Variants in EDIL3 observed in about 807,000 individuals in gnomAD.
The protein encoded by EDIL3 is EGF like and discoidin domains 3.
A neutral mutation model predicts 67.4 loss-of-function variants in EDIL3; 37 were observed. The ratio of observed to expected loss-of-function variants is 0.55; its 90% CI spans 0.42 to 0.72. EDIL3 has a LOEUF of 0.72. EDIL3 is among the 30% of genes least tolerant of loss of function. The pLI, the probability that EDIL3 is intolerant of heterozygous loss-of-function variation, is 0.00. For synonymous variants in EDIL3, 195 were observed against 196.3 expected (o/e 0.99, Z 0.05); for missense variants, 527 against 586.3 (o/e 0.90, Z 1.04).
At chr5:84,266,969 C>A (rs1215749442) in intron 1 of EDIL3, among the ~76,000 whole-genome samples, 2 of 151,870 alleles carry the variant, frequency 1.3e-5, no homozygotes, top group African/African-American at 2.4e-5. Flanking sequence ...TCATAATATC[C>A]CTGTGGGAAA....
At chr5:84,378,246 A>G (rs1748007813) in intron 1 of EDIL3, among the ~76,000 whole-genome samples, 1 of 152,164 alleles carries the variant, frequency 6.6e-6, no homozygotes, top group African/African-American at 2.4e-5. Context: ...TTTTTAAATA[A>G]TGTATACATT....
chr5:84,298,888 G>A (rs1396422955), intron 1 of EDIL3, among the ~76,000 whole-genome samples: 6 of 152,052 alleles, frequency 3.9e-5, no homozygotes, highest in Non-Finnish European at 7.4e-5. Flanking sequence ...TTGTGGTTGG[G>A]GCGCATCAAG....
chr5:84,272,112 G>T (rs1018111597), intron 1 of EDIL3, among the ~76,000 whole-genome samples: 9 of 152,014 alleles, frequency 5.9e-5, no homozygotes, highest in Non-Finnish European at 1.3e-4. Flanking sequence ...GCCTTCATCG[G>T]CTTTCTTGTA....
chr5:84,032,930 G>A (rs1036197056), intron 9 of EDIL3, among the ~76,000 whole-genome samples: 21 of 152,188 alleles, frequency 1.4e-4, no homozygotes, highest in African/African-American at 4.3e-4. Flanking sequence ...ACAGTGCTCA[G>A]GGACTTCCAA....
intron 4 of EDIL3, among the ~76,000 whole-genome samples, chr5:84,160,804 CCTTT>C (rs1211254939): frequency 8.1e-5 from 8 of 98,962 alleles, no homozygotes; most frequent in Admixed American, 6.2e-4. Context: ...CCTTTCCTTT[CCTTT>C]CCTTTCCTTT....
chr5:84,292,059 CTTAAAG>C (rs1338525348), intron 1 of EDIL3, among the ~76,000 whole-genome samples: 1 of 151,720 alleles, frequency 6.6e-6, no homozygotes, highest in Non-Finnish European at 1.5e-5. Flanking sequence ...GCTATATAAA[CTTAAAG>C]TTAAATTTTA....
intron 1 of EDIL3, among the ~76,000 whole-genome samples, chr5:84,322,737 G>T (rs2112157240): frequency 6.6e-6 from 1 of 152,052 alleles, no homozygotes; most frequent in East Asian, 1.9e-4. Context: ...CAATTACAAT[G>T]AATTCAAAGA....
chr5:84,203,507 A>G (rs1743890102), intron 3 of EDIL3, among the ~76,000 whole-genome samples: 1 of 152,154 alleles, frequency 6.6e-6, no homozygotes, highest in Non-Finnish European at 1.5e-5. Flanking sequence ...GTGTGCCAGC[A>G]ACACACGTTC....
At chr5:84,210,980 T>G (rs1351245718) in intron 3 of EDIL3, among the ~76,000 whole-genome samples, 1 of 152,206 alleles carries the variant, frequency 6.6e-6, no homozygotes, top group African/African-American at 2.4e-5. Flanking sequence ...TGTAGTAGGT[T>G]GAATGGTGCT....
At chr5:83,967,747 G>C (rs1237618972) in intron 9 of EDIL3, among the ~76,000 whole-genome samples, 1 of 152,112 alleles carries the variant, frequency 6.6e-6, no homozygotes, top group African/African-American at 2.4e-5. Context: ...AGATGGGGCA[G>C]ACTGGAAAAT....
intron 6 of EDIL3, among the ~76,000 whole-genome samples, chr5:84,074,987 G>C (rs1375765955): frequency 1.3e-5 from 2 of 152,138 alleles, no homozygotes; most frequent in African/African-American, 4.8e-5. Flanking sequence ...AAGAAAATGT[G>C]GCACATATAT....
chr5:84,264,027 G>A (rs1486058802), intron 1 of EDIL3, among the ~76,000 whole-genome samples: 1 of 152,082 alleles, frequency 6.6e-6, no homozygotes, highest in Non-Finnish European at 1.5e-5. Flanking sequence ...ATTGAGACCA[G>A]GGGTTTGAGA....
intron 1 of EDIL3, among the ~76,000 whole-genome samples, chr5:84,310,585 G>C (rs1487374260): frequency 6.6e-6 from 1 of 152,054 alleles, no homozygotes; most frequent in East Asian, 1.9e-4. Context: ...TGACCATCTG[G>C]AGCGCTAATT....
chr5:84,257,842 A>G (rs1226365025), intron 1 of EDIL3, among the ~76,000 whole-genome samples: 1 of 152,156 alleles, frequency 6.6e-6, no homozygotes, highest in African/African-American at 2.4e-5. Flanking sequence ...GGATGAGAGC[A>G]AAGAGAAACG....
At position 84,357,513 on chromosome 5, in the gene EDIL3, T is replaced by A. The variant is rs148284730; in HGVS notation, c.67+26795A>T. 2.3e-3 allele frequency among the ~76,000 whole-genome samples: 349 copies of A among 152,060 alleles called. 2 individuals carry two copies. Among genetic ancestry groups the A allele is most frequent in the Admixed American group, 7.4e-3 (113 of 15,278 alleles). On this transcript the variant is annotated intron_variant, in intron 1 of 10. Transcript: ENST00000296591. The stretch of plus-strand genomic sequence containing the variant: ...GAAATTATACAGACACCCTTTAAGG[T>A]TCTATATACTTTTAACCCTGCACCC...
At chr5:84,299,455 T>C (rs1040393542) in intron 1 of EDIL3, among the ~76,000 whole-genome samples, 1 of 152,156 alleles carries the variant, frequency 6.6e-6, no homozygotes, top group Non-Finnish European at 1.5e-5. Context: ...TCCTCATAGA[T>C]CCCTACAAAC....
chr5:84,310,877 C>A (rs73144519), intron 1 of EDIL3, among the ~76,000 whole-genome samples: 2 of 152,036 alleles, frequency 1.3e-5, no homozygotes, highest in Non-Finnish European at 2.9e-5. Flanking sequence ...GTGCGCTTAC[C>A]CAGTCAAAAA....
At chr5:84,306,334 TTTTAGAAAAAGGAACA>T in intron 1 of EDIL3, among the ~76,000 whole-genome samples, 1 of 152,350 alleles carries the variant, frequency 6.6e-6, no homozygotes, top group Non-Finnish European at 1.5e-5. Flanking sequence ...ATTTGGTTAA[TTTTAGAAAAAGGAACA>T]AATTGAGGTT....
chr5:84,109,269 A>T (rs960836228), intron 5 of EDIL3, among the ~76,000 whole-genome samples: 3 of 152,092 alleles, frequency 2.0e-5, no homozygotes, highest in African/African-American at 7.2e-5. Context: ...ACTTTGGGAG[A>T]CCGAGGCAGG....
Sources: gnomAD v4.1 joint callset for allele counts (sites outside exome capture counted in the v4.1 genomes callset) on GRCh38, gnomAD v4.1.1 for gene constraint, MANE v1.5 for transcripts, NCBI Gene and HGNC (gene_info 2026-07-23, HGNC 2026-07-21) for gene names.